Variants in TDRD12 observed in about 807,000 individuals in gnomAD.
TDRD12 encodes the protein tudor domain containing 12.
TDRD12 carries 158 observed loss-of-function variants against 133.5 expected under a neutral mutation model. The ratio of observed to expected loss-of-function variants is 1.18; its 90% CI spans 1.04 to 1.35. The LOEUF (loss-of-function observed/expected upper bound fraction) is 1.35, where lower values mean the gene tolerates loss of function less well. Ranked by LOEUF, TDRD12 falls within the 40% of genes most tolerant of loss-of-function variation. TDRD12 has a pLI of 0.00. For missense variants in TDRD12, 1,443 were observed against 1,321.3 expected, an observed-to-expected ratio of 1.09 and a Z score of -1.43; for synonymous variants, 460 against 477.9, an observed-to-expected ratio of 0.96 and a Z score of 0.49.
At chr19:32,789,738 C>T (rs200808255) in intron 11 of TDRD12, among the ~76,000 whole-genome samples, 15 of 152,286 alleles carry the variant, frequency 9.8e-5, no homozygotes, top group South Asian at 8.3e-4. Context: ...CAGTGGCTCA[C>T]GCCTATAATC....
At chr19:32,735,763 A>G (rs1183228490) in intron 2 of TDRD12, among the ~76,000 whole-genome samples, 1 of 152,184 alleles carries the variant, frequency 6.6e-6, no homozygotes, top group East Asian at 1.9e-4. Flanking sequence ...TAAGGTCAGG[A>G]GTTCGAGACC....
intron 21 of TDRD12, among the ~76,000 whole-genome samples, chr19:32,804,957 T>C (rs1285780905): frequency 6.6e-6 from 1 of 151,594 alleles, no homozygotes; most frequent in African/African-American, 2.4e-5. Flanking sequence ...TCTAGAAGCT[T>C]TGTAGTTTTA....
At chr19:32,810,100 C>T (rs774720592) in exon 23 of TDRD12, 1 of 1,517,048 alleles carries the variant, frequency 6.6e-7, no homozygotes, top group Non-Finnish European at 8.8e-7. Context: ...CAGATAATAC[C>T]TTTTTATATT....
intron 11 of TDRD12, among the ~76,000 whole-genome samples, chr19:32,784,379 G>A (rs1042552118): frequency 2.6e-5 from 4 of 152,092 alleles, no homozygotes; most frequent in East Asian, 1.9e-4. Context: ...ATGTGCTGCT[G>A]GATTCGGTTT....
chr19:32,733,237 G>A (rs1267507414), intron 2 of TDRD12, among the ~76,000 whole-genome samples: 2 of 152,200 alleles, frequency 1.3e-5, no homozygotes, highest in African/African-American at 4.8e-5. Context: ...GGGAGTCTGA[G>A]GCAGGTGGAT....
rs138580967 is a variant in TDRD12, at chr19:32,819,445, T to A, written c.3383+1288T>A. Among the ~76,000 whole-genome samples, 18 of 151,952 alleles carry A rather than the reference T, an allele frequency of 1.2e-4. 1 individual carries two copies. The East Asian group carries it at 2.9e-3, about 25-fold the overall frequency. ...CCCTCTACTTTCAAGAAAAAAAAAA[T>A]TTCCCATACTTTTAAGATACTTTTT... is the stretch of plus-strand genomic sequence containing the variant. On this transcript the variant is annotated intron_variant, in intron 27 of 27. Transcript: ENST00000444215.
At chr19:32,730,363 C>T (rs767044779) in intron 1 of TDRD12, among the ~76,000 whole-genome samples, 1 of 152,108 alleles carries the variant, frequency 6.6e-6, no homozygotes, top group Non-Finnish European at 1.5e-5. Context: ...GGGGAAAAGC[C>T]GTGTAAAAGT....
chr19:32,771,551 C>G (rs1167507059), intron 8 of TDRD12, among the ~76,000 whole-genome samples: 1 of 149,822 alleles, frequency 6.7e-6, no homozygotes, highest in Admixed American at 6.6e-5. Flanking sequence ...GTTTTATCTT[C>G]ATATCGTCAG....
In TDRD12 at chr19:32,783,758, CTGTT is replaced by C. The variant is rs537498691; in HGVS notation, c.1121+6533_1121+6536del. Among the ~76,000 whole-genome samples the C allele has an allele frequency of 2.1e-3, 320 of 152,208 alleles. 2 individuals are homozygous for C. The highest frequency in any genetic ancestry group is 7.3e-3 in the African/African-American group (305 of 41,520). ...ATGGGAGTTCACTCATGATTGGACT[CTGTT>C]TGTCTGTTATTGGTGTATAGGAATG... On this transcript the variant is annotated intron_variant, in intron 11 of 27. Coordinates refer to ENST00000444215, the Ensembl canonical transcript of TDRD12.
chr19:32,802,199 GAT>G, intron 19 of TDRD12, among the ~76,000 whole-genome samples: 1 of 136,004 alleles, frequency 7.4e-6, no homozygotes, highest in African/African-American at 2.8e-5. Flanking sequence ...TGATATATAT[GAT>G]AGTGATCATA....
chr19:32,720,063 C>T (rs959612194), exon 1 of TDRD12: 11 of 1,548,314 alleles, frequency 7.1e-6, no homozygotes, highest in South Asian at 2.4e-5. Flanking sequence ...TGCCCTCGGG[C>T]GCCAGGAGGA....
exon 10 of TDRD12, chr19:32,827,238 G>A (rs1367942595): frequency 1.9e-5 from 24 of 1,232,012 alleles, no homozygotes; most frequent in Middle Eastern, 3.1e-4. Context: ...AGAGGATGAC[G>A]ACAGTGAGAG....
intron 17 of TDRD12, 64 bp from the exon 18 acceptor site, chr19:32,800,580 G>A (rs1049016992): frequency 2.2e-6 from 3 of 1,386,590 alleles, no homozygotes; most frequent in Non-Finnish European, 2.9e-6. Context: ...CAACACCTGT[G>A]GAAAGTGGAT....
intron 11 of TDRD12, among the ~76,000 whole-genome samples, chr19:32,781,598 A>G (rs912847996): frequency 6.6e-6 from 1 of 152,186 alleles, no homozygotes; most frequent in African/African-American, 2.4e-5. Flanking sequence ...TTGGGTATAC[A>G]TTTTGAAGAC....
chr19:32,793,184 A>G (rs1195330604), intron 13 of TDRD12, among the ~76,000 whole-genome samples: 1 of 86,574 alleles, frequency 1.2e-5, no homozygotes, highest in African/African-American at 8.2e-5. Flanking sequence ...GACTCTGTCT[A>G]CAATAATAAT....
intron 1 of TDRD12, among the ~76,000 whole-genome samples, chr19:32,720,614 C>T (rs1159877553): frequency 3.3e-5 from 1 of 30,734 alleles, no homozygotes; most frequent in Admixed American, 3.9e-4. Flanking sequence ...GTTTCCTTAT[C>T]GCTGCCCACC....
At chr19:32,756,991 T>G in intron 7 of TDRD12, 47 bp from the exon 8 acceptor site, 1 of 1,475,792 alleles carries the variant, frequency 6.8e-7, no homozygotes, top group Non-Finnish European at 9.3e-7. Context: ...ATTTTTATTT[T>G]GGGCTTTATT....
At chr19:32,774,318 C>T (rs1478124165) in intron 10 of TDRD12, among the ~76,000 whole-genome samples, 1 of 152,198 alleles carries the variant, frequency 6.6e-6, no homozygotes, top group Non-Finnish European at 1.5e-5. Flanking sequence ...AAAATATCTT[C>T]TCTCTTTACC....
intron 13 of TDRD12, among the ~76,000 whole-genome samples, chr19:32,792,500 G>A (rs1971100415): frequency 6.6e-6 from 1 of 152,120 alleles, no homozygotes; most frequent in Non-Finnish European, 1.5e-5. Flanking sequence ...AAAATCACTA[G>A]TATGTTTGAG....
Sources: allele counts gnomAD v4.1 joint callset (sites outside exome capture counted in the v4.1 genomes callset), GRCh38; gene constraint gnomAD v4.1.1; transcripts MANE v1.5; gene names NCBI Gene and HGNC (gene_info 2026-07-23, HGNC 2026-07-21).